SYCP2L: variants seen among roughly 807,000 people sequenced by gnomAD.
SYCP2L encodes the protein synaptonemal complex protein 2 like.
In SYCP2L, 98 loss-of-function variants were observed where a neutral mutation model predicts 125.8. That is an observed-to-expected ratio of 0.78 (90% CI 0.66 to 0.92). SYCP2L has a LOEUF of 0.92. Among genes scored for constraint, SYCP2L ranks in the 40% least tolerant of loss-of-function variants. The pLI, the probability that SYCP2L is intolerant of heterozygous loss-of-function variation, is 0.00. For missense variants in SYCP2L, 842 were observed against 936.4 expected (o/e 0.90, Z 1.32); for synonymous variants, 317 against 325.4 (o/e 0.97, Z 0.28).
At chr6:10,918,210 A>AAAAAG (rs1282057818) in intron 14 of SYCP2L, among the ~76,000 whole-genome samples, 1 of 151,826 alleles carries the variant, frequency 6.6e-6, no homozygotes, top group African/African-American at 2.4e-5. Flanking sequence ...AAAAAAAAAA[A>AAAAAG]AAAAGAAAAG....
In SYCP2L at chr6:10,912,874, T is replaced by C. The variant is rs771876935; in HGVS notation, c.1019T>C (p.Leu340Pro). The change falls in exon 14 of 30, where the codon CTA becomes CCA. Residue 340 changes from leucine to proline, a missense_variant. Leu to Pro is a moderately conservative substitution (Grantham distance 98, BLOSUM62 -3). Transcript: ENST00000283141. This position sits in a 1 kb window ranked among gnomAD's most constrained non-coding sequence, Gnocchi z 4.1. Reference sequence around the variant, plus strand: ...CTTATTTATTTTCCCAAGAATACTCTATGGGACTCAGTGACACTTCCGAAG... The same window carrying C: ...CTTATTTATTTTCCCAAGAATACTCCATGGGACTCAGTGACACTTCCGAAG... Reference protein sequence around the residue: ...TFYIDNAENTLWDSVTLPKEA... With the variant: ...TFYIDNAENTPWDSVTLPKEA... The C allele has an allele frequency of 1.9e-6, 3 of 1,613,676 alleles. No homozygotes were observed. The South Asian group carries it at 3.3e-5, about 18-fold the overall frequency.
intron 29 of SYCP2L, among the ~76,000 whole-genome samples, chr6:10,967,703 G>C (rs59637707): frequency 6.6e-6 from 1 of 152,086 alleles, no homozygotes; most frequent in African/African-American, 2.4e-5. Flanking sequence ...AAGACTCTTA[G>C]AAAACTAGGG....
At chr6:10,966,165 T>A (rs1346051584) in intron 29 of SYCP2L, among the ~76,000 whole-genome samples, 1 of 152,034 alleles carries the variant, frequency 6.6e-6, no homozygotes, top group Non-Finnish European at 1.5e-5. Flanking sequence ...CACACCAAAA[T>A]TCTCAATAAA....
intron 8 of SYCP2L, among the ~76,000 whole-genome samples, chr6:10,903,716 A>G (rs1370872120): frequency 6.6e-6 from 1 of 151,990 alleles, no homozygotes; most frequent in Non-Finnish European, 1.5e-5. Context: ...GCACCACTGC[A>G]CTCCAGCCTG....
At position 10,906,683 on chromosome 6, in the gene SYCP2L, C is replaced by T. The variant is rs554666104; in HGVS notation, c.676+629C>T. Among the ~76,000 whole-genome samples, 211 of 151,788 alleles carry T rather than the reference C, an allele frequency of 1.4e-3. 1 individual carries two copies. Among genetic ancestry groups the T allele is most frequent in the African/African-American group, 2.7e-3 (111 of 41,352 alleles). Reference sequence around the variant, plus strand: ...CGCGATCTCGGCTCACTGCAGCCTCCGCCTCCCGTTTTCAAGCGACTCTCC... The same window carrying T: ...CGCGATCTCGGCTCACTGCAGCCTCTGCCTCCCGTTTTCAAGCGACTCTCC... On this transcript the variant is annotated intron_variant, in intron 9 of 29. Coordinates refer to ENST00000283141, the MANE Select transcript of SYCP2L (RefSeq NM_001040274.3).
intron 21 of SYCP2L, among the ~76,000 whole-genome samples, chr6:10,940,182 A>G (rs1460507094): frequency 6.6e-6 from 1 of 152,224 alleles, no homozygotes; most frequent in Non-Finnish European, 1.5e-5. Flanking sequence ...GACAGGAGAT[A>G]ACAAGTGTTG....
At chr6:10,960,965 C>A (rs1304034911) in intron 26 of SYCP2L, among the ~76,000 whole-genome samples, 1 of 151,938 alleles carries the variant, frequency 6.6e-6, no homozygotes, top group Non-Finnish European at 1.5e-5. Context: ...GTAGTCCCAG[C>A]TAGTATGGAG....
At chr6:10,910,223 A>G (rs375451210) in intron 11 of SYCP2L, 23 bp downstream of exon 11, 1 of 1,605,758 alleles carries the variant, frequency 6.2e-7, no homozygotes, top group Non-Finnish European at 8.5e-7. Context: ...TCTGAGCATT[A>G]TTGACTAGTT....
Position 10,910,826 on chromosome 6 carries a change from T to A in SYCP2L, c.875T>A (p.Val292Glu). The A allele has an allele frequency of 6.2e-7, 1 of 1,614,034 alleles. No homozygotes were observed. The highest frequency in any genetic ancestry group is 8.5e-7 in the Non-Finnish European group (1 of 1,179,936). ...TTTAATTGTGAGGTATTTTGCAGGG[T>A]GTATTCATTTCCGTGTATTGCTGCT... Reference protein sequence around the residue: ...LNNRLGDQRRVYSFPCIAAFA... With the variant: ...LNNRLGDQRREYSFPCIAAFA... The change falls in exon 12 of 30, where the codon GTG becomes GAG. Residue 292 changes from valine (V) to glutamate (E), a missense_variant and splice_region_variant. By Grantham distance (121) the Val-to-Glu change is moderately radical. Transcript: ENST00000283141.
intron 29 of SYCP2L, among the ~76,000 whole-genome samples, chr6:10,966,258 G>T (rs1436855960): frequency 6.6e-6 from 1 of 152,062 alleles, no homozygotes; most frequent in Non-Finnish European, 1.5e-5. Context: ...TCGATATTAG[G>T]GAATCTACTA....
intron 6 of SYCP2L, among the ~76,000 whole-genome samples, chr6:10,901,377 C>T (rs756365659): frequency 6.6e-6 from 1 of 151,954 alleles, no homozygotes; most frequent in Non-Finnish European, 1.5e-5. Flanking sequence ...CAGTCTTTGC[C>T]CCTTACAATC....
intron 25 of SYCP2L, among the ~76,000 whole-genome samples, chr6:10,958,497 A>C (rs922370235): frequency 1.3e-5 from 2 of 152,172 alleles, no homozygotes; most frequent in Non-Finnish European, 2.9e-5. Context: ...CCTCACTTCC[A>C]GTATCGGGGA....
intron 29 of SYCP2L, among the ~76,000 whole-genome samples, chr6:10,971,434 G>A (rs1781769746): frequency 6.8e-6 from 1 of 147,816 alleles, no homozygotes; most frequent in African/African-American, 2.5e-5. Context: ...TTCCAGCCTG[G>A]GCAAGACAGT....
chr6:10,922,897 T>C (rs1780824404), intron 14 of SYCP2L: 1 of 152,186 alleles, frequency 6.6e-6, no homozygotes, highest in South Asian at 2.1e-4. Context: ...ATTTTATTAA[T>C]ATATTTTGTT....
intron 29 of SYCP2L, among the ~76,000 whole-genome samples, chr6:10,971,299 A>G (rs1247230383): frequency 6.6e-6 from 1 of 151,912 alleles, no homozygotes; most frequent in African/African-American, 2.4e-5. Flanking sequence ...TCTACTAAAA[A>G]TACAAAAAAT....
At position 10,926,450 on chromosome 6, in the gene SYCP2L, A is replaced by G. The variant is rs1245115388; in HGVS notation, c.1312+18A>G. ...AGAAACAGGTATATTGGGAAATAAC[A>G]AAATTCTGACCCTGAGTTTTCTGTA... On this transcript the variant is annotated intron_variant, in intron 16 of 29. Transcript: ENST00000283141. 22 of 1,586,974 alleles carry G rather than the reference A, an allele frequency of 1.4e-5. No homozygotes were observed. The highest frequency in any genetic ancestry group is 1.8e-5 in the Non-Finnish European group (21 of 1,157,530).
At position 10,894,156 on chromosome 6, in the gene SYCP2L, C is replaced by T. The variant is rs368282839; in HGVS notation, c.288C>T (p.Gly96=). 67 of 1,613,288 alleles carry T rather than the reference C, an allele frequency of 4.2e-5. No individual in the cohort carries two copies. Among genetic ancestry groups the T allele is most frequent in the Non-Finnish European group, 5.6e-5 (66 of 1,179,848 alleles). ...GTATTCAGCGATTCCTCGTAGATGG[C>T]CTGAAAGAAGATGAACCTCTGCTAA... The part of the protein sequence containing the change: ...LKCIQRFLVD[G]LKEDEPLLIR... Residue 96 remains glycine, a synonymous_variant, in exon 4 of 30, where the codon GGC becomes GGT. Transcript: ENST00000283141.
chr6:10,928,581 T>A lies in SYCP2L; in HGVS notation c.1488+131T>A, dbSNP rs1780938454. ...ATCTGTCAATTTAAAAAAATTTTTT[T>A]AAGACAAGGCCTTGTTCTGTCATCA... On this transcript the variant is annotated intron_variant, in intron 18 of 29. Transcript: ENST00000283141. 3 of 1,295,964 alleles carry A rather than the reference T, an allele frequency of 2.3e-6. No individual in the cohort carries two copies. The East Asian group carries it at 8.2e-5, about 35-fold the overall frequency. 80.3% of individuals were successfully genotyped at this position (1,295,964 alleles called of 1,614,324 possible).
At chr6:10,898,961 T>A in intron 6 of SYCP2L, 113 bp downstream of exon 6, 2 of 719,464 alleles carry the variant, frequency 2.8e-6, no homozygotes, top group Non-Finnish European at 4.9e-6. Flanking sequence ...ACATTTTATT[T>A]GGATTTATTG....
Sources: gnomAD v4.1 joint callset for allele counts (sites outside exome capture counted in the v4.1 genomes callset) on GRCh38, gnomAD v4.1.1 for gene constraint, Gnocchi (gnomAD v3.1) non-coding constraint, MANE v1.5 for transcripts, NCBI Gene and HGNC (gene_info 2026-07-23, HGNC 2026-07-21) for gene names.